GREB1L: variants seen among roughly 807,000 people sequenced by gnomAD.
GREB1L encodes the protein GREB1-like protein.
In GREB1L, 17 loss-of-function variants were observed where a neutral mutation model predicts 200.8. The observed-to-expected ratio is 0.08, with a 90% CI of 0.06 to 0.13. The LOEUF (loss-of-function observed/expected upper bound fraction) is 0.13, where lower values mean the gene tolerates loss of function less well. Among genes scored for constraint, GREB1L ranks in the 10% least tolerant of loss-of-function variants. GREB1L has a pLI of 1.00. For missense variants in GREB1L, 1,657 were observed against 2,367.7 expected (o/e 0.70, Z 6.23); for synonymous variants, 789 against 893.0 (o/e 0.88, Z 2.08).
chr18:21,413,399 T>C (rs1483303513), intron 7 of GREB1L, among the ~76,000 whole-genome samples: 2 of 152,172 alleles, frequency 1.3e-5, no homozygotes, highest in South Asian at 2.1e-4. Context: ...TACTTCCCCC[T>C]TCCCTCTCTA....
Position 21,516,768 on chromosome 18 carries a change from G to A in GREB1L, c.5271+14G>A, listed in dbSNP as rs2037432490. The A allele has an allele frequency of 5.8e-6, 9 of 1,547,336 alleles. No homozygotes were observed. The highest frequency in any genetic ancestry group is 7.9e-6 in the Non-Finnish European group (9 of 1,144,312). On this transcript the variant is annotated intron_variant, in intron 30 of 32. Transcript: ENST00000424526. ...CCAAAGATCATGGTGAGTACCGCAA[G>A]CTTGATTCAAGTGCTGAAAATAAGC... is the stretch of plus-strand genomic sequence containing the variant.
chr18:21,517,192 T>A (rs1252877226), intron 30 of GREB1L, among the ~76,000 whole-genome samples: 1 of 152,162 alleles, frequency 6.6e-6, no homozygotes, highest in African/African-American at 2.4e-5. Context: ...GTTCTTAATG[T>A]CAAATTTTCA....
At chr18:21,504,995 C>T (rs1010803499) in intron 23 of GREB1L, among the ~76,000 whole-genome samples, 5 of 152,098 alleles carry the variant, frequency 3.3e-5, no homozygotes, top group Admixed American at 3.3e-4. Context: ...GAATTTTTAC[C>T]AGCTCCCAGC....
intron 1 of GREB1L, among the ~76,000 whole-genome samples, chr18:21,264,121 A>G (rs976497023): frequency 6.6e-6 from 1 of 152,158 alleles, no homozygotes; most frequent in South Asian, 2.1e-4. Context: ...ATTTGTGTAG[A>G]TAAAGGTATG....
chr18:21,406,735 C>G (rs776651566), intron 7 of GREB1L, among the ~76,000 whole-genome samples: 9 of 152,198 alleles, frequency 5.9e-5, no homozygotes, highest in Non-Finnish European at 1.0e-4. Context: ...TATGGGTACA[C>G]ACATTGTATG....
intron 2 of GREB1L, among the ~76,000 whole-genome samples, chr18:21,369,948 C>CAAAA (rs201252099): frequency 1.1e-5 from 1 of 87,900 alleles, no homozygotes. Flanking sequence ...GACTCCATCT[C>CAAAA]AAAAAAAAAA....
intron 1 of GREB1L, among the ~76,000 whole-genome samples, chr18:21,290,602 C>A (rs1317688921): frequency 6.6e-6 from 1 of 152,132 alleles, no homozygotes; most frequent in Non-Finnish European, 1.5e-5. Flanking sequence ...GCAGGTGGAT[C>A]ACCTGAGGTC....
intron 12 of GREB1L, 108 bp downstream of exon 12, chr18:21,449,944 T>A: frequency 1.2e-6 from 1 of 856,550 alleles, no homozygotes; most frequent in Non-Finnish European, 1.8e-6. Flanking sequence ...AACCTCTGAT[T>A]AATTGCTGGA....
In GREB1L at chr18:21,262,395, G is replaced by A. The variant is rs544054518; in HGVS notation, c.-120+20002G>A. On this transcript the variant is annotated intron_variant, in intron 1 of 32. Coordinates refer to ENST00000424526, the MANE Select transcript of GREB1L (RefSeq NM_001142966.3). ...TCTGTTTTGAATGACAGACCTTATG[G>A]GGTTACTTATGTGGTTGGGCTTTTC... Among the ~76,000 whole-genome samples the A allele has an allele frequency of 2.6e-5, 4 of 152,192 alleles. No individual in the cohort carries two copies. In the South Asian group the frequency reaches 8.3e-4, roughly 32 times the overall value.
Position 21,385,184 on chromosome 18 carries a change from T to G in GREB1L, c.355+781T>G, listed in dbSNP as rs1206056573. Among the ~76,000 whole-genome samples the G allele has an allele frequency of 2.0e-5, 3 of 152,092 alleles. No individual in the cohort carries two copies. In the East Asian group the frequency reaches 5.8e-4, roughly 29 times the overall value. On this transcript the variant is annotated intron_variant, in intron 4 of 32. Coordinates refer to ENST00000424526, the MANE Select transcript of GREB1L (RefSeq NM_001142966.3). ...CAGAGTATTGTTCTTATACCCAGAATGACTTGGACCTAGGATGATTTCAGT... is the reference window on the plus strand; with the variant it reads ...CAGAGTATTGTTCTTATACCCAGAAGGACTTGGACCTAGGATGATTTCAGT...
intron 1 of GREB1L, among the ~76,000 whole-genome samples, chr18:21,320,814 C>G (rs1031841410): frequency 6.7e-6 from 1 of 150,112 alleles, no homozygotes; most frequent in Non-Finnish European, 1.5e-5. Flanking sequence ...TTCCTAGAAG[C>G]AGCACAAAGG....
chr18:21,509,851 C>A (rs772595499), intron 27 of GREB1L, among the ~76,000 whole-genome samples: 8 of 152,080 alleles, frequency 5.3e-5, no homozygotes, highest in Non-Finnish European at 8.8e-5. Context: ...AGCCAACACA[C>A]ATATGCAAAT....
At position 21,353,602 on chromosome 18, in the gene GREB1L, G is replaced by A. The variant is rs374109450; in HGVS notation, c.-119-12425G>A. On this transcript the variant is annotated intron_variant, in intron 1 of 32. Transcript: ENST00000424526. ...CCTTTGTGATTTCTAGGTTAAGAAA[G>A]CTAAACTTTCACTATAACATAATAA... Among the ~76,000 whole-genome samples the A allele has an allele frequency of 6.5e-4, 99 of 152,178 alleles. No homozygotes were observed. The Middle Eastern group carries it at 0.014, about 21-fold the overall frequency.
At chr18:21,356,087 C>T (rs1187419926) in intron 1 of GREB1L, among the ~76,000 whole-genome samples, 5 of 149,124 alleles carry the variant, frequency 3.4e-5, no homozygotes, top group Non-Finnish European at 5.9e-5. Flanking sequence ...CCCGGGTTCA[C>T]GCCATTCTCC....
intron 7 of GREB1L, among the ~76,000 whole-genome samples, chr18:21,417,515 AAAAC>A (rs1484051664): frequency 2.0e-5 from 3 of 152,102 alleles, no homozygotes; most frequent in African/African-American, 4.8e-5. Context: ...CTCCATCTCA[AAAAC>A]AAACAAACAA....
intron 31 of GREB1L, 99 bp downstream of exon 31, chr18:21,518,333 A>G (rs1368144050): frequency 2.1e-5 from 24 of 1,122,684 alleles, no homozygotes; most frequent in South Asian, 1.9e-4. Context: ...TGAAATATCA[A>G]TCAAGATGCC....
intron 1 of GREB1L, 150 bp from the exon 2 acceptor site, chr18:21,365,877 T>C (rs1369842943): frequency 6.6e-6 from 1 of 152,134 alleles, no homozygotes; most frequent in Non-Finnish European, 1.5e-5. Context: ...CATTATAATG[T>C]ATATGGAGTT....
chr18:21,412,972 C>T (rs1345207984), intron 7 of GREB1L, among the ~76,000 whole-genome samples: 1 of 151,900 alleles, frequency 6.6e-6, no homozygotes, highest in African/African-American at 2.4e-5. Flanking sequence ...TTTTCTGTTT[C>T]GCATGTGGTG....
intron 1 of GREB1L, among the ~76,000 whole-genome samples, chr18:21,263,255 G>A (rs753448933): frequency 1.3e-5 from 2 of 152,194 alleles, no homozygotes; most frequent in Non-Finnish European, 2.9e-5. Flanking sequence ...GAATCAGCAC[G>A]TTTGGTTTGG....
Sources: gnomAD v4.1 joint callset for allele counts (sites outside exome capture counted in the v4.1 genomes callset) on GRCh38, gnomAD v4.1.1 for gene constraint, MANE v1.5 for transcripts, NCBI Gene and HGNC (gene_info 2026-07-23, HGNC 2026-07-21) for gene names.